ACE: variants seen among roughly 807,000 people sequenced by gnomAD.
ACE encodes the protein angiotensin-converting enzyme.
In ACE, 122 loss-of-function variants were observed where a neutral mutation model predicts 162.3. The observed-to-expected ratio is 0.75, with a 90% CI of 0.65 to 0.87. The LOEUF (loss-of-function observed/expected upper bound fraction) is 0.87. Among genes scored for constraint, ACE ranks in the 40% least tolerant of loss-of-function variants. The pLI, the probability that ACE is intolerant of heterozygous loss-of-function variation, is 0.00. For synonymous variants in ACE, 796 were observed against 720.6 expected, an observed-to-expected ratio of 1.10 and a Z score of -1.68; for missense variants, 1,799 against 1,735.1, an observed-to-expected ratio of 1.04 and a Z score of -0.65.
Position 63,484,828 on chromosome 17 carries a change from C to A in ACE, c.1921+287C>A. ...ACACTGCGGGCTCCGCTCTTATTGG[C>A]CAGGGGACGGTAGCTGCAGGACTCT... On this transcript the variant is annotated intron_variant, in intron 12 of 24. Coordinates refer to ENST00000290866, the MANE Select transcript of ACE (RefSeq NM_000789.4). The surrounding 1 kb of genome is among the most constrained non-coding windows in gnomAD (Gnocchi z 4.0). The A allele has an allele frequency of 6.5e-7, 1 of 1,534,324 alleles. No homozygotes were observed. The highest frequency in any genetic ancestry group is 8.8e-7 in the Non-Finnish European group (1 of 1,139,398).
intron 3 of ACE, 28 bp from the exon 4 acceptor site, chr17:63,479,741 T>G: frequency 6.2e-7 from 1 of 1,612,414 alleles, no homozygotes; most frequent in Middle Eastern, 1.6e-4. Flanking sequence ...GGAGGCCTCC[T>G]CACCGACCCT....
Position 63,480,441 on chromosome 17 carries a change from C to T in ACE, c.760C>T (p.Leu254Phe), listed in dbSNP as rs751023560. The T allele has an allele frequency of 7.4e-6, 12 of 1,614,170 alleles. No individual in the cohort carries two copies. The highest frequency in any genetic ancestry group is 1.1e-5 in the South Asian group (1 of 91,090). ...YQQLEPLYLN[L>F]HAFVRRALHR... Reference sequence around the variant, plus strand: ...ACAGCTAGAGCCCCTCTACCTGAACCTCCATGCCTTCGTCCGCCGCGCACT... The same window carrying T: ...ACAGCTAGAGCCCCTCTACCTGAACTTCCATGCCTTCGTCCGCCGCGCACT... The change falls in exon 5 of 25, where the codon CTC becomes TTC. Residue 254 changes from leucine to phenylalanine, a missense_variant. Physicochemically the swap from Leu to Phe is conservative, Grantham distance 22. Transcript: ENST00000290866.
chr17:63,496,146 A>G, intron 22 of ACE: 1 of 542,134 alleles, frequency 1.8e-6, no homozygotes, highest in Non-Finnish European at 3.3e-6. Flanking sequence ...GGCCCTCCTG[A>G]GTTGTGGAGG....
At chr17:63,495,073 C>T (rs1017526247) in intron 22 of ACE, among the ~76,000 whole-genome samples, 3 of 152,160 alleles carry the variant, frequency 2.0e-5, no homozygotes, top group Non-Finnish European at 4.4e-5. Context: ...ACAGGATGCA[C>T]GATGGCTAAC....
chr17:63,496,933 G>A lies in ACE; in HGVS notation c.3639G>A (p.Glu1213=), dbSNP rs781769416. Residue 1213 remains glutamate (E), a synonymous_variant, in exon 24 of 25, where the codon GAG becomes GAA. Transcript: ENST00000290866. ...PLLDWLRTEN[E]LHGEKLGWPQ... ...TGGACTGGCTCCGCACGGAGAACGAGCTGCATGGGGAGAAGCTGGGCTGGC... is the reference window on the plus strand; with the variant it reads ...TGGACTGGCTCCGCACGGAGAACGAACTGCATGGGGAGAAGCTGGGCTGGC... 4 of 1,613,356 alleles carry A rather than the reference G, an allele frequency of 2.5e-6. No homozygotes were observed. The highest frequency in any genetic ancestry group is 2.5e-6 in the Non-Finnish European group (3 of 1,179,984).
chr17:63,486,376 G>GT (rs1568041194), intron 13 of ACE, 181 bp from the exon 14 acceptor site: 1 of 684,988 alleles, frequency 1.5e-6, no homozygotes, highest in Admixed American at 2.1e-5. Context: ...GGGAGGGTGA[G>GT]TACTGCATCC....
At chr17:63,493,847 C>T in intron 20 of ACE, 75 bp from the exon 21 acceptor site, 1 of 1,608,172 alleles carries the variant, frequency 6.2e-7, no homozygotes, top group Non-Finnish European at 8.5e-7. Context: ...ACCCCCACCC[C>T]TCCACCATCA....
intron 22 of ACE, 112 bp from the exon 23 acceptor site, chr17:63,496,282 G>A: frequency 6.5e-7 from 1 of 1,531,368 alleles, no homozygotes; most frequent in Non-Finnish European, 9.0e-7. Context: ...TGGCTCTGCT[G>A]TGCGCATGTG....
At position 63,491,395 on chromosome 17, in the gene ACE, G is replaced by A; in HGVS notation, c.2912+14G>A. ...CAAGGACTTCCGGTACATCCAGCTA[G>A]GGCTCAGGTCTCGTTCCTGAGCCCC... On this transcript the variant is annotated intron_variant, in intron 19 of 24. Coordinates refer to ENST00000290866, the MANE Select transcript of ACE (RefSeq NM_000789.4). This position sits in a 1 kb window ranked among gnomAD's most constrained non-coding sequence, Gnocchi z 4.4. The A allele has an allele frequency of 6.2e-7, 1 of 1,614,014 alleles. No individual in the cohort carries two copies. The highest frequency in any genetic ancestry group is 1.7e-5 in the Admixed American group (1 of 60,018).
intron 15 of ACE, among the ~76,000 whole-genome samples, chr17:63,487,503 GA>G (rs925179912): frequency 1.3e-5 from 2 of 152,076 alleles, no homozygotes; most frequent in Non-Finnish European, 2.9e-5. Context: ...GCATGTGACT[GA>G]TAAGGAAATT....
At position 63,479,044 on chromosome 17, in the gene ACE, C is replaced by A; in HGVS notation, c.455C>A (p.Ser152Tyr). Residue 152 changes from serine (S) to tyrosine (Y), a missense_variant, in exon 3 of 25, where the codon TCC becomes TAC. By Grantham distance (144) the Ser-to-Tyr change is moderately radical. Coordinates refer to ENST00000290866, the MANE Select transcript of ACE (RefSeq NM_000789.4). Reference protein sequence around the residue: ...ALLSNMSRIYSTAKVCLPNKT... With the variant: ...ALLSNMSRIYYTAKVCLPNKT... ...CTAAGCAACATGAGCAGGATCTACTCCACCGCCAAGGTCTGCCTCCCCAAC... is the reference window on the plus strand; with the variant it reads ...CTAAGCAACATGAGCAGGATCTACTACACCGCCAAGGTCTGCCTCCCCAAC... 6.2e-7 allele frequency: 1 copy of A among 1,613,696 alleles called. No individual in the cohort carries two copies. The highest frequency in any genetic ancestry group is 2.2e-5 in the East Asian group (1 of 44,844).
In ACE at chr17:63,483,577, C is replaced by T. The variant is rs12720747; in HGVS notation, c.1586+19C>T. 5.0e-3 allele frequency: 6,809 copies of T among 1,365,028 alleles called. 212 individuals carry two copies. In the African/African-American group the frequency reaches 0.085, roughly 17 times the overall value. The allele number at this position is 1,365,028 out of a possible 1,614,324, so 84.6% of individuals were successfully genotyped here. A position where few individuals can be genotyped will look rare whatever the true frequency, so the allele number is the denominator to read the frequency against. ...ACATCAGGTATTAGCGCCCCCACCC[C>T]ACCCACCCCCAGTACTGTCACACCC... On this transcript the variant is annotated intron_variant, in intron 10 of 24. Transcript: ENST00000290866.
At chr17:63,487,989 C>T (rs557075578) in intron 15 of ACE, among the ~76,000 whole-genome samples, 17 of 152,262 alleles carry the variant, frequency 1.1e-4, no homozygotes, top group African/African-American at 4.1e-4. Flanking sequence ...AATCCCAGCA[C>T]TTTGGGAGGC....
intron 3 of ACE, 100 bp from the exon 4 acceptor site, chr17:63,479,669 A>G: frequency 6.6e-7 from 1 of 1,504,648 alleles, no homozygotes; most frequent in Non-Finnish European, 9.1e-7. Flanking sequence ...ATGTTCAGGA[A>G]GCTGGTGGGA....
In ACE at chr17:63,484,016, G is replaced by A; in HGVS notation, c.1709+45G>A. On this transcript the variant is annotated intron_variant, in intron 11 of 24. Coordinates refer to ENST00000290866, the MANE Select transcript of ACE (RefSeq NM_000789.4). This position sits in a 1 kb window ranked among gnomAD's most constrained non-coding sequence, Gnocchi z 4.0. Reference sequence around the variant, plus strand: ...GGGAAGTGGGAGGCAGAGAGGAGCGGCTGGCAAAGGGTGTGGCAGGAGGTG... The same window carrying A: ...GGGAAGTGGGAGGCAGAGAGGAGCGACTGGCAAAGGGTGTGGCAGGAGGTG... The A allele has an allele frequency of 6.4e-7, 1 of 1,573,978 alleles. No individual in the cohort carries two copies. Among genetic ancestry groups the A allele is most frequent in the South Asian group, 1.1e-5 (1 of 87,274 alleles).
intron 13 of ACE, 135 bp downstream of exon 13, chr17:63,485,507 G>A (rs748132942): frequency 6.0e-6 from 8 of 1,328,056 alleles, no homozygotes; most frequent in Admixed American, 2.0e-5. Context: ...CGGGCCGGGC[G>A]CGGTGGCTCA....
rs1474601688 is a variant in ACE at position 63,497,143 on chromosome 17, C to T, written c.3698C>T (p.Ser1233Leu). ...CTCCTTGCTTCCCGCTCAGCTCGCT[C>T]AGAAGGGCCCCTCCCAGACAGCGGC... ...QYNWTPNSAR[S>L]EGPLPDSGRV... The change falls in exon 25 of 25, where the codon TCA (serine) becomes TTA (leucine). Residue 1233 changes from serine (S) to leucine (L), a missense_variant. Physicochemically the swap from Ser to Leu is moderately radical, Grantham distance 145 (BLOSUM62 -2). Transcript: ENST00000290866. 1.9e-6 allele frequency: 3 copies of T among 1,603,952 alleles called. No individual in the cohort carries two copies. In the East Asian group the frequency reaches 6.7e-5, roughly 36 times the overall value.
rs2030902844 is a variant in ACE at position 63,498,306 on chromosome 17, G to A, written c.*940G>A. The A allele has an allele frequency of 6.6e-6, 1 of 152,214 alleles. No homozygotes were observed. Among genetic ancestry groups the A allele is most frequent in the Non-Finnish European group, 1.5e-5 (1 of 68,034 alleles). The allele number at this position is 152,214 out of a possible 1,614,324, so 9.4% of individuals were successfully genotyped here. The stretch of plus-strand genomic sequence containing the variant: ...ACATTTTTATGACTTTTATGTGTAT[G>A]TTTATGTAGAAATTTGGAAAATACA... On this transcript the variant is annotated 3_prime_UTR_variant, in exon 25 of 25. Coordinates refer to ENST00000290866, the MANE Select transcript of ACE (RefSeq NM_000789.4).
At chr17:63,493,770 C>A in intron 20 of ACE, 111 bp downstream of exon 20, 1 of 1,515,684 alleles carries the variant, frequency 6.6e-7, no homozygotes, top group Non-Finnish European at 9.0e-7. Flanking sequence ...TGGGGCAGAG[C>A]AATCGGAAGG....
Sources: gnomAD v4.1 joint callset for allele counts (sites outside exome capture counted in the v4.1 genomes callset) on GRCh38, gnomAD v4.1.1 for gene constraint, Gnocchi (gnomAD v3.1) non-coding constraint, MANE v1.5 for transcripts, NCBI Gene and HGNC (gene_info 2026-07-23, HGNC 2026-07-21) for gene names.